The following WDPCP variants were observed in gnomAD, a reference collection of about 807,000 sequenced individuals.
The protein encoded by WDPCP is WD repeat containing planar cell polarity effector.
In WDPCP, 71 loss-of-function variants were observed where a neutral mutation model predicts 93.1. The observed-to-expected ratio is 0.76, with a 90% CI of 0.63 to 0.93. The LOEUF is 0.93. Ranked by LOEUF, WDPCP falls within the 40% of genes least tolerant of loss-of-function variation. The pLI, the probability that WDPCP is intolerant of heterozygous loss-of-function variation, is 0.00. For missense variants in WDPCP, 844 were observed against 887.4 expected (o/e 0.95, Z 0.62); for synonymous variants, 315 against 315.0 (o/e 1.00, Z 0.00).
At chr2:63,335,151 A>G (rs929672222) in intron 12 of WDPCP, among the ~76,000 whole-genome samples, 1 of 152,278 alleles carries the variant, frequency 6.6e-6, no homozygotes, top group Admixed American at 6.5e-5. Context: ...CAAAGACTCA[A>G]AAGAATGCAA....
chr2:63,703,227 T>G (rs1008581399), intron 2 of WDPCP, among the ~76,000 whole-genome samples: 8 of 152,148 alleles, frequency 5.3e-5, no homozygotes, highest in Non-Finnish European at 5.9e-5. Context: ...AATCCTTTGG[T>G]TATATACCCA....
intron 6 of WDPCP, chr2:63,443,175 A>G (rs1697619174): frequency 6.6e-6 from 1 of 152,168 alleles, no homozygotes; most frequent in Non-Finnish European, 1.5e-5. Context: ...AAGTGCTGAG[A>G]ATACAGCAAT....
chr2:63,352,767 T>C lies in WDPCP; in HGVS notation c.1748+25619A>G, dbSNP rs566961291. 2.6e-5 allele frequency among the ~76,000 whole-genome samples: 4 copies of C among 152,248 alleles called. No homozygotes were observed. The South Asian group carries it at 6.2e-4, about 24-fold the overall frequency. Reference sequence around the variant, plus strand: ...CTGGCCTCCATTAAGGCTAGGAACATACATAAAGGAATGACACATTCTCTA... The same window carrying C: ...CTGGCCTCCATTAAGGCTAGGAACACACATAAAGGAATGACACATTCTCTA... On this transcript the variant is annotated intron_variant, in intron 12 of 17. Transcript: ENST00000272321.
In WDPCP at chr2:63,806,440, G is replaced by A. The variant is rs533509340; in HGVS notation, n.308+7182C>T. 2.7e-4 allele frequency among the ~76,000 whole-genome samples: 41 copies of A among 152,294 alleles called. No homozygotes were observed. The South Asian group carries it at 7.7e-3, about 28-fold the overall frequency. ...ATCACAAGGCAAGTGGAGGCAGGGCGAGATCACAAGACCACAGGACTGAGG... is the reference window on the plus strand; with the variant it reads ...ATCACAAGGCAAGTGGAGGCAGGGCAAGATCACAAGACCACAGGACTGAGG... On this transcript the variant is annotated intron_variant and non_coding_transcript_variant, in intron 2 of 4. Coordinates refer to the WDPCP transcript ENST00000467687.
At chr2:63,267,655 A>C (rs1030858872) in intron 13 of WDPCP, among the ~76,000 whole-genome samples, 2 of 152,216 alleles carry the variant, frequency 1.3e-5, no homozygotes, top group Admixed American at 1.3e-4. Context: ...CTCAGTTAAA[A>C]GCTGGTAAAA....
At chr2:63,750,668 T>C (rs1048426206) in intron 2 of WDPCP, among the ~76,000 whole-genome samples, 24 of 152,180 alleles carry the variant, frequency 1.6e-4, no homozygotes, top group African/African-American at 5.3e-4. Context: ...TATTCCTAGT[T>C]AGCTAAAAGT....
At chr2:63,253,091 A>C (rs1680874646) in intron 14 of WDPCP, among the ~76,000 whole-genome samples, 1 of 152,180 alleles carries the variant, frequency 6.6e-6, no homozygotes, top group Non-Finnish European at 1.5e-5. Flanking sequence ...AACAAAATAG[A>C]GAACACTGAA....
intron 1 of WDPCP, among the ~76,000 whole-genome samples, 195 bp downstream of exon 1, chr2:63,588,002 G>C (rs1352941628): frequency 6.6e-6 from 1 of 152,184 alleles, no homozygotes. Context: ...TTTGGGGTCG[G>C]GGGTGCACCT....
At chr2:63,300,991 C>G (rs889137705) in intron 13 of WDPCP, among the ~76,000 whole-genome samples, 2 of 152,134 alleles carry the variant, frequency 1.3e-5, no homozygotes, top group Non-Finnish European at 2.9e-5. Flanking sequence ...CATGGCATTT[C>G]CAGGTCTCTA....
At chr2:63,294,698 T>C (rs1684713450) in intron 13 of WDPCP, among the ~76,000 whole-genome samples, 1 of 150,992 alleles carries the variant, frequency 6.6e-6, no homozygotes, top group African/African-American at 2.4e-5. Context: ...TAGGGTGAAA[T>C]AAAAGGGCAC....
Position 63,208,934 on chromosome 2 carries a change from C to G in WDPCP, c.1916-34102G>C, listed in dbSNP as rs1048728455. 2.0e-5 allele frequency among the ~76,000 whole-genome samples: 3 copies of G among 152,276 alleles called. No homozygotes were observed. In the South Asian group the frequency reaches 6.2e-4, roughly 32 times the overall value. On this transcript the variant is annotated intron_variant, in intron 14 of 17. Transcript: ENST00000272321. The stretch of plus-strand genomic sequence containing the variant: ...TTATTATTTCATAGGTATACCTGCA[C>G]CCTCCCACACTGCTTCCCCCCAGTT...
chr2:63,435,070 T>C (rs999565109), intron 8 of WDPCP, among the ~76,000 whole-genome samples: 5 of 152,150 alleles, frequency 3.3e-5, no homozygotes, highest in African/African-American at 1.2e-4. Flanking sequence ...ATTGACCTCT[T>C]CATCCTCTGA....
intron 6 of WDPCP, among the ~76,000 whole-genome samples, chr2:63,462,821 G>C (rs1319444525): frequency 6.6e-6 from 1 of 152,182 alleles, no homozygotes; most frequent in Non-Finnish European, 1.5e-5. Context: ...TAAATGGATG[G>C]AAGTCAGGGC....
chr2:63,767,610 A>G (rs977610198), intron 2 of WDPCP, among the ~76,000 whole-genome samples: 1 of 151,962 alleles, frequency 6.6e-6, no homozygotes, highest in African/African-American at 2.4e-5. Flanking sequence ...ACATCTTTTT[A>G]TGTGCTTATT....
At position 63,459,355 on chromosome 2, in the gene WDPCP, A is replaced by T. The variant is rs559588037; in HGVS notation, c.385-19484T>A. 3.9e-5 allele frequency among the ~76,000 whole-genome samples: 6 copies of T among 152,286 alleles called. No individual in the cohort carries two copies. The East Asian group carries it at 1.2e-3, about 29-fold the overall frequency. On this transcript the variant is annotated intron_variant, in intron 6 of 17. Transcript: ENST00000272321. The stretch of plus-strand genomic sequence containing the variant: ...TACTAATACCCAGCACATACAAGGA[A>T]TTCAGACATCTCAACAGTTAAAAAA...
chr2:63,507,657 AAC>A (rs956453494), intron 1 of WDPCP, among the ~76,000 whole-genome samples: 1 of 152,118 alleles, frequency 6.6e-6, no homozygotes, highest in African/African-American at 2.4e-5. Context: ...GGCATGTTCT[AAC>A]ACAATGCAAG....
At chr2:63,665,682 T>C (rs563700924) in intron 2 of WDPCP, among the ~76,000 whole-genome samples, 15 of 152,298 alleles carry the variant, frequency 9.8e-5, no homozygotes, top group Non-Finnish European at 1.8e-4. Context: ...ACTATTGAAT[T>C]TGACAACTAG....
chr2:63,727,420 T>A (rs539011397), intron 2 of WDPCP, among the ~76,000 whole-genome samples: 3 of 152,348 alleles, frequency 2.0e-5, no homozygotes, highest in Non-Finnish European at 4.4e-5. Flanking sequence ...TGGATTAGCA[T>A]TTTCATGTCC....
intron 12 of WDPCP, among the ~76,000 whole-genome samples, chr2:63,363,708 T>C (rs1324716775): frequency 1.3e-5 from 2 of 150,410 alleles, no homozygotes; most frequent in Admixed American, 6.7e-5. Flanking sequence ...TTCTATAAGA[T>C]CCCTCTAAAG....
Sources: gnomAD v4.1 joint callset for allele counts (sites outside exome capture counted in the v4.1 genomes callset) on GRCh38, gnomAD v4.1.1 for gene constraint, MANE v1.5 for transcripts, NCBI Gene and HGNC (gene_info 2026-07-23, HGNC 2026-07-21) for gene names.